Variants in RBM33 observed in about 807,000 individuals in gnomAD.
The protein encoded by RBM33 is RNA binding motif protein 33.
Under a neutral mutation model 132.6 loss-of-function variants are expected in RBM33, and 28 were observed. The observed-to-expected ratio is 0.21, with a 90% CI of 0.16 to 0.29. RBM33 has a LOEUF of 0.29. Ranked by LOEUF, RBM33 falls within the 10% of genes least tolerant of loss-of-function variation. The pLI is 1.00. For missense variants in RBM33, 1,291 were observed against 1,518.5 expected, an observed-to-expected ratio of 0.85 and a Z score of 2.49; for synonymous variants, 634 against 593.0, an observed-to-expected ratio of 1.07 and a Z score of -1.01.
chr7:155,672,065 G>A (rs1273218711), intron 2 of RBM33, among the ~76,000 whole-genome samples: 1 of 151,944 alleles, frequency 6.6e-6, no homozygotes, highest in East Asian at 1.9e-4. Flanking sequence ...CTTAGTTACT[G>A]TGATTTGATT....
chr7:155,772,800 G>A (rs894950795), intron 16 of RBM33, among the ~76,000 whole-genome samples: 1 of 152,184 alleles, frequency 6.6e-6, no homozygotes, highest in African/African-American at 2.4e-5. Flanking sequence ...TAGCCTGTGC[G>A]CAGGCCTTCT....
intron 5 of RBM33, among the ~76,000 whole-genome samples, chr7:155,696,789 C>T (rs1799805616): frequency 6.6e-6 from 1 of 152,186 alleles, no homozygotes; most frequent in Non-Finnish European, 1.5e-5. Context: ...GCCACATAAC[C>T]CATCGTTGTC....
intron 3 of RBM33, among the ~76,000 whole-genome samples, chr7:155,674,905 C>T (rs1486017359): frequency 6.6e-6 from 1 of 152,138 alleles, no homozygotes; most frequent in Non-Finnish European, 1.5e-5. Context: ...TTATAGGAAT[C>T]AAGGCATTGA....
chr7:155,725,041 GA>G (rs1800749014), intron 9 of RBM33, among the ~76,000 whole-genome samples: 1 of 135,668 alleles, frequency 7.4e-6, no homozygotes, highest in African/African-American at 2.7e-5. Context: ...TGTGTGTACA[GA>G]TTTTTTTTGT....
intron 3 of RBM33, 105 bp downstream of exon 3, chr7:155,673,020 A>T: frequency 1.6e-6 from 1 of 641,684 alleles, no homozygotes; most frequent in East Asian, 3.3e-5. Context: ...AAAGTTGGGT[A>T]TAGATTAAAA....
At chr7:155,681,838 A>G (rs914741330) in intron 5 of RBM33, among the ~76,000 whole-genome samples, 11 of 152,166 alleles carry the variant, frequency 7.2e-5, no homozygotes, top group South Asian at 4.1e-4. Context: ...GGTCATGTGT[A>G]TGAGTAATTT....
chr7:155,681,028 A>G lies in RBM33; in HGVS notation c.567+120A>G, dbSNP rs1404575026. 4 of 740,772 alleles carry G rather than the reference A, an allele frequency of 5.4e-6. No individual in the cohort carries two copies. In the East Asian group the frequency reaches 8.1e-5, roughly 15 times the overall value. 45.9% of individuals were successfully genotyped at this position (740,772 alleles called of 1,614,324 possible). On this transcript the variant is annotated intron_variant, in intron 5 of 17. Coordinates refer to ENST00000401878, the MANE Select transcript of RBM33 (RefSeq NM_053043.3). ...GGAGGGGAAATTAGACCTTATTATC[A>G]CTCTCTGCCAGTTTCTTTATCTGAG...
At position 155,714,583 on chromosome 7, in the gene RBM33, C is replaced by T. The variant is rs376427175; in HGVS notation, c.1201+3128C>T. Among the ~76,000 whole-genome samples, 8 of 152,264 alleles carry T rather than the reference C, an allele frequency of 5.3e-5. No individual in the cohort carries two copies. The East Asian group carries it at 1.2e-3, about 22-fold the overall frequency. ...TGGTGGCATGAGATGAAAGCTGGGT[C>T]TGGAAGCAGCAGTTAGATCAAGAAG... On this transcript the variant is annotated intron_variant, in intron 8 of 17. Coordinates refer to ENST00000401878, the MANE Select transcript of RBM33 (RefSeq NM_053043.3).
intron 9 of RBM33, among the ~76,000 whole-genome samples, chr7:155,729,260 C>T (rs1242684008): frequency 6.6e-6 from 1 of 152,098 alleles, no homozygotes; most frequent in Non-Finnish European, 1.5e-5. Context: ...CAGGTCCCTC[C>T]CTCCACTCGT....
At chr7:155,708,116 G>A (rs1563153868) in intron 7 of RBM33, among the ~76,000 whole-genome samples, 1 of 152,172 alleles carries the variant, frequency 6.6e-6, no homozygotes, top group Non-Finnish European at 1.5e-5. Flanking sequence ...TTTCACTTCT[G>A]TTGAAATATT....
intron 2 of RBM33, among the ~76,000 whole-genome samples, chr7:155,668,130 CTA>C (rs1163269221): frequency 5.9e-5 from 9 of 152,170 alleles, no homozygotes; most frequent in Non-Finnish European, 8.8e-5. Flanking sequence ...GTGTGTGTGT[CTA>C]TGTATACGTA....
intron 3 of RBM33, among the ~76,000 whole-genome samples, chr7:155,673,946 T>TTTTTTTTG (rs1799095464): frequency 7.8e-5 from 2 of 25,764 alleles, no homozygotes; most frequent in Admixed American, 2.5e-4. Context: ...CTTAGTTTTT[T>TTTTTTTTG]TTTTTTTTTT....
intron 9 of RBM33, among the ~76,000 whole-genome samples, chr7:155,719,645 T>A (rs190057638): frequency 3.9e-4 from 59 of 152,316 alleles, no homozygotes; most frequent in African/African-American, 1.3e-3. Context: ...TTTTATTAGA[T>A]CCATTACCCA....
rs1321819309 is a variant in RBM33 at position 155,644,814 on chromosome 7, C to G, written c.-63C>G. On this transcript the variant is annotated 5_prime_UTR_variant, in exon 1 of 18. Transcript: ENST00000401878. ...CCGTCACCCGTACCCGGGCCCGGAC[C>G]AGGCACGTCGGCCCACCAGCTGGCT... is the stretch of plus-strand genomic sequence containing the variant. The G allele has an allele frequency of 1.3e-5, 18 of 1,369,512 alleles. No homozygotes were observed. The Admixed American group carries it at 4.6e-4, about 35-fold the overall frequency. 84.8% of individuals were successfully genotyped at this position (1,369,512 alleles called of 1,614,324 possible).
At chr7:155,718,356 G>T (rs1384232578) in intron 8 of RBM33, 29 bp from the exon 9 acceptor site, 1 of 1,602,484 alleles carries the variant, frequency 6.2e-7, no homozygotes, top group Admixed American at 1.7e-5. Flanking sequence ...AGTAAAGTGT[G>T]TCTCTAACAC....
chr7:155,742,444 G>A (rs1007531489), intron 13 of RBM33, among the ~76,000 whole-genome samples: 2 of 151,996 alleles, frequency 1.3e-5, no homozygotes, highest in Non-Finnish European at 2.9e-5. Flanking sequence ...ACCCTTCTCC[G>A]CCATTTTAGC....
chr7:155,759,712 G>A (rs537494538), intron 14 of RBM33, among the ~76,000 whole-genome samples: 1 of 152,166 alleles, frequency 6.6e-6, no homozygotes, highest in Admixed American at 6.5e-5. Flanking sequence ...AATTACTACA[G>A]TGTTATGTGT....
intron 2 of RBM33, among the ~76,000 whole-genome samples, chr7:155,666,574 G>A (rs1229535944): frequency 6.6e-6 from 1 of 152,154 alleles, no homozygotes; most frequent in Non-Finnish European, 1.5e-5. Context: ...GAAAAGAAAT[G>A]GTCTTACTAG....
chr7:155,672,361 A>G (rs750919728), intron 2 of RBM33, among the ~76,000 whole-genome samples: 1 of 152,220 alleles, frequency 6.6e-6, no homozygotes, highest in Non-Finnish European at 1.5e-5. Flanking sequence ...ACCTATAGCA[A>G]AGCCTCCCCA....
Sources: allele counts gnomAD v4.1 joint callset (sites outside exome capture counted in the v4.1 genomes callset), GRCh38; gene constraint gnomAD v4.1.1; transcripts MANE v1.5; gene names NCBI Gene and HGNC (gene_info 2026-07-23, HGNC 2026-07-21).